The following SBK2 variants were observed in gnomAD, a reference collection of about 807,000 sequenced individuals.
SBK2 encodes SH3 domain binding kinase family member 2.
A neutral mutation model predicts 15.9 loss-of-function variants in SBK2; 18 were observed. The observed-to-expected ratio is 1.13, with a 90% CI of 0.78 to 1.68. SBK2 has a LOEUF of 1.68. Among genes scored for constraint, SBK2 ranks in the 40% most tolerant of loss-of-function variants. SBK2 has a pLI of 0.00. For missense variants in SBK2, 581 were observed against 510.9 expected, an observed-to-expected ratio of 1.14 and a Z score of -1.32; for synonymous variants, 284 against 246.8, an observed-to-expected ratio of 1.15 and a Z score of -1.41.
At position 55,528,649 on chromosome 19, in the gene SBK2, G is replaced by A. The variant is rs1292861920; in HGVS notation, c.*1084C>T. On this transcript the variant is annotated 3_prime_UTR_variant, in exon 4 of 4. Transcript: ENST00000413299. ...TGGAGTTTATTTGCAGAGTGGCTGG[G>A]GCGAGAGAAGGCAAAACACATCACA... 6.6e-6 allele frequency among the ~76,000 whole-genome samples: 1 copy of A among 152,184 alleles called. No individual in the cohort carries two copies. The highest frequency in any genetic ancestry group is 2.4e-5 in the African/African-American group (1 of 41,436).
rs1027666652 is a variant in SBK2 at position 55,529,811 on chromosome 19, C to T, written c.969G>A (p.Glu323=). Residue 323 remains glutamate, a synonymous_variant, in exon 4 of 4, where the codon GAG becomes GAA. Transcript: ENST00000413299. ...GCTGCCTCCAGGGGCGCCCCAGGTG[C>T]TCCCTGATGGCGATCACAGCGCTCC... The part of the protein sequence containing the change: ...RRRSAVIAIR[E]HLGRPWRQRE... The T allele has an allele frequency of 6.2e-7, 1 of 1,604,660 alleles. No individual in the cohort carries two copies. The highest frequency in any genetic ancestry group is 1.3e-5 in the African/African-American group (1 of 75,008).
chr19:55,536,430 C>G, intron 1 of SBK2, 134 bp from the exon 2 acceptor site: 1 of 662,554 alleles, frequency 1.5e-6, no homozygotes, highest in South Asian at 3.7e-5. Context: ...CTCAGTCTCC[C>G]TCTTGGTGAG....
chr19:55,531,589 A>T (rs1437978795), intron 2 of SBK2, among the ~76,000 whole-genome samples: 1 of 152,232 alleles, frequency 6.6e-6, no homozygotes, highest in Non-Finnish European at 1.5e-5. Flanking sequence ...CAGGCCTGCG[A>T]TCCCAGCGCT....
Position 55,529,578 on chromosome 19 carries a change from G to A in SBK2, c.*155C>T, listed in dbSNP as rs1480849314. 2.7e-5 allele frequency among the ~76,000 whole-genome samples: 4 copies of A among 148,002 alleles called. No homozygotes were observed. The highest frequency in any genetic ancestry group is 6.0e-5 in the Non-Finnish European group (4 of 66,586). On this transcript the variant is annotated 3_prime_UTR_variant, in exon 4 of 4. Transcript: ENST00000413299. ...GAGGTCTGAGGCCCTCATGGACCAAGGGAGGAATGCAGCCTGCAGAGAGGA... is the reference window on the plus strand; with the variant it reads ...GAGGTCTGAGGCCCTCATGGACCAAAGGAGGAATGCAGCCTGCAGAGAGGA...
rs74360774 is a variant in SBK2, at chr19:55,532,092, G to A, written c.254-747C>T. ...CAAGTCTATAGCCATGGAGATGGAG[G>A]GATACCATGAAATTTCTCCAATGAC... is the stretch of plus-strand genomic sequence containing the variant. On this transcript the variant is annotated intron_variant, in intron 2 of 3. Transcript: ENST00000413299. 2.9e-3 allele frequency among the ~76,000 whole-genome samples: 441 copies of A among 152,234 alleles called. 7 individuals are homozygous for A. The highest frequency in any genetic ancestry group is 0.01 in the African/African-American group (420 of 41,528).
At chr19:55,532,438 G>A (rs1005629186) in intron 2 of SBK2, among the ~76,000 whole-genome samples, 4 of 150,940 alleles carry the variant, frequency 2.7e-5, no homozygotes, top group African/African-American at 9.8e-5. Context: ...GAGTAGCTGG[G>A]ATTACGGGCA....
chr19:55,534,194 G>C (rs747222212), intron 2 of SBK2, among the ~76,000 whole-genome samples: 15 of 152,208 alleles, frequency 9.9e-5, no homozygotes, highest in Non-Finnish European at 2.1e-4. Flanking sequence ...GGTCTTTAAA[G>C]AGGTAAAATG....
rs1188504890 is a variant in SBK2, at chr19:55,531,242, G to A, written c.357C>T (p.Ile119=). ...VGLSLGAHSA[I]VTAYGIGIES... ...CGATGCCAATGCCGTAGGCCGTCAC[G>A]ATGGCTGAGTGCGCGCCCAGCGAGA... Residue 119 remains isoleucine (I), a synonymous_variant, in exon 3 of 4, where the codon ATC becomes ATT. Coordinates refer to ENST00000413299, the MANE Select transcript of SBK2 (RefSeq NM_001370096.2). The A allele has an allele frequency of 2.5e-6, 4 of 1,613,446 alleles. No homozygotes were observed. The African/African-American group carries it at 4.0e-5, about 16-fold the overall frequency.
rs1988184601 is a variant in SBK2 at position 55,529,417 on chromosome 19, G to C, written c.*316C>G. Among the ~76,000 whole-genome samples the C allele has an allele frequency of 6.6e-6, 1 of 152,064 alleles. No homozygotes were observed. Among genetic ancestry groups the C allele is most frequent in the African/African-American group, 2.4e-5 (1 of 41,412 alleles). ...TCTCAAAAAAAATAAAAATGCGAGG[G>C]GTGAGGGGATGAGCCTAAAGTGCCC... On this transcript the variant is annotated 3_prime_UTR_variant, in exon 4 of 4. Transcript: ENST00000413299.
At position 55,530,139 on chromosome 19, in the gene SBK2, A is replaced by G; in HGVS notation, c.641T>C (p.Leu214Pro). ...GGGGATGGGCGGCCCGGCCAGGCGC[A>G]GCAGCGTCCCGCGAGGCCTCGTGTG... ...FGHTRPRGTL[L>P]RLAGPPIPYT... Residue 214 changes from leucine (L) to proline (P), a missense_variant, in exon 4 of 4, where the codon CTG becomes CCG. Transcript: ENST00000413299. 6.7e-7 allele frequency: 1 copy of G among 1,489,092 alleles called. No individual in the cohort carries two copies. The highest frequency in any genetic ancestry group is 2.6e-5 in the East Asian group (1 of 38,168). 92.2% of individuals were successfully genotyped at this position (1,489,092 alleles called of 1,614,324 possible).
In SBK2 at chr19:55,529,979, C is replaced by T. The variant is rs550598727; in HGVS notation, c.801G>A (p.Leu267=). Residue 267 remains leucine, a synonymous_variant, in exon 4 of 4, where the codon CTG becomes CTA. Transcript: ENST00000413299. ...LTGYFPWDRP[L]AEADPFYEDF... ...CCTCGTAGAAGGGGTCGGCCTCGGC[C>T]AGGGGCCGGTCCCAGGGGAAGTAGC... 1.2e-5 allele frequency: 19 copies of T among 1,528,830 alleles called. No homozygotes were observed. The highest frequency in any genetic ancestry group is 2.0e-4 in the Middle Eastern group (1 of 5,118). 94.7% of individuals were successfully genotyped at this position (1,528,830 alleles called of 1,614,324 possible).
At chr19:55,533,872 T>G (rs1211884750) in intron 2 of SBK2, among the ~76,000 whole-genome samples, 1 of 151,866 alleles carries the variant, frequency 6.6e-6, no homozygotes, top group Non-Finnish European at 1.5e-5. Context: ...CTGAGCTTCT[T>G]AACGACAGTG....
At position 55,536,080 on chromosome 19, in the gene SBK2, C is replaced by G; in HGVS notation, c.215G>C (p.Cys72Ser). The G allele has an allele frequency of 6.6e-7, 1 of 1,509,604 alleles. No individual in the cohort carries two copies. The allele number at this position is 1,509,604 out of a possible 1,614,324, so 93.5% of individuals were successfully genotyped here. Reference protein sequence around the residue: ...YEEVRPLGQGCYGRVLLVTHR... With the variant: ...YEEVRPLGQGSYGRVLLVTHR... ...GGTGACCAGAAGGACGCGGCCATAG[C>G]AACCCTGGCCCAGGGGACGCACTTC... is the stretch of plus-strand genomic sequence containing the variant. Residue 72 changes from cysteine (C) to serine (S), a missense_variant, in exon 2 of 4, where the codon TGC becomes TCC. Cys to Ser is a moderately radical substitution (Grantham distance 112). Transcript: ENST00000413299.
intron 2 of SBK2, among the ~76,000 whole-genome samples, chr19:55,531,659 C>T (rs1988272174): frequency 1.3e-5 from 2 of 152,200 alleles, no homozygotes; most frequent in Admixed American, 1.3e-4. Context: ...GCTCGGACAA[C>T]ACAGTGAGAC....
At position 55,530,134 on chromosome 19, in the gene SBK2, GGCGCAGCAGCGTCC is replaced by G. The variant is rs1213286915; in HGVS notation, c.632_645del (p.Gly211AlafsTer283). ...GTGTAGGGGATGGGCGGCCCGGCCA[GGCGCAGCAGCGTCC>G]CGCGAGGCCTCGTGTGGCCGAAGTC... On this transcript the variant is annotated frameshift_variant, in exon 4 of 4. Coordinates refer to ENST00000413299, the MANE Select transcript of SBK2 (RefSeq NM_001370096.2). LOFTEE classifies it low-confidence loss of function (END_TRUNC). 2.7e-6 allele frequency: 4 copies of G among 1,475,466 alleles called. No individual in the cohort carries two copies. Among genetic ancestry groups the G allele is most frequent in the Non-Finnish European group, 3.6e-6 (4 of 1,116,810 alleles). The allele number at this position is 1,475,466 out of a possible 1,614,324, so 91.4% of individuals were successfully genotyped here.
intron 2 of SBK2, among the ~76,000 whole-genome samples, chr19:55,535,466 A>G (rs1988374360): frequency 6.6e-6 from 1 of 152,212 alleles, no homozygotes; most frequent in African/African-American, 2.4e-5. Context: ...CAGCAACTAG[A>G]GCAGTCCACA....
At chr19:55,535,359 A>C (rs2123481364) in intron 2 of SBK2, among the ~76,000 whole-genome samples, 2 of 152,326 alleles carry the variant, frequency 1.3e-5, no homozygotes, top group Middle Eastern at 6.8e-3. Context: ...AGTGCTTAGC[A>C]GACAGCATCA....
intron 2 of SBK2, among the ~76,000 whole-genome samples, chr19:55,531,814 C>T (rs1988276571): frequency 2.0e-5 from 3 of 152,142 alleles, no homozygotes; most frequent in Non-Finnish European, 4.4e-5. Flanking sequence ...CTCTTCTCTA[C>T]TAAAAACATA....
At position 55,536,255 on chromosome 19, in the gene SBK2, C is replaced by G; in HGVS notation, c.40G>C (p.Gly14Arg). 3 of 1,592,020 alleles carry G rather than the reference C, an allele frequency of 1.9e-6. No individual in the cohort carries two copies. Among genetic ancestry groups the G allele is most frequent in the East Asian group, 4.6e-5 (2 of 43,368 alleles). ...TCCTCCTCGCTGTCCTCCGAAGCCC[C>G]TGCCTCCGCCGGCCCTTCCTCAGAC... ...KQSEEGPAEA[G>R]ASEDSEEEGL... The change falls in exon 2 of 4, where the codon GGG becomes CGG. Residue 14 changes from glycine (G) to arginine (R), a missense_variant. By Grantham distance (125) the Gly-to-Arg change is moderately radical (BLOSUM62 -2). Transcript: ENST00000413299.
Sources: allele counts gnomAD v4.1 joint callset (sites outside exome capture counted in the v4.1 genomes callset), GRCh38; gene constraint gnomAD v4.1.1; transcripts MANE v1.5; gene names NCBI Gene and HGNC (gene_info 2026-07-23, HGNC 2026-07-21).